The following SLC49A4 variants were observed in gnomAD, a reference collection of about 807,000 sequenced individuals.
SLC49A4 encodes solute carrier family 49 member 4, also known as disrupted in renal cancer protein 2.
A neutral mutation model predicts 50.6 loss-of-function variants in SLC49A4; 36 were observed. That is an observed-to-expected ratio of 0.71 (90% CI 0.55 to 0.94). The LOEUF (loss-of-function observed/expected upper bound fraction) is 0.94. Ranked by LOEUF, SLC49A4 falls within the 40% of genes least tolerant of loss-of-function variation. The pLI is 0.00. For synonymous variants in SLC49A4, 248 were observed against 241.2 expected (o/e 1.03, Z -0.26); for missense variants, 503 against 605.7 (o/e 0.83, Z 1.78).
In SLC49A4 at chr3:122,869,801, G is replaced by A. The variant is rs114895408; in HGVS notation, c.1139-2614G>A. 4.9e-3 allele frequency among the ~76,000 whole-genome samples: 753 copies of A among 152,266 alleles called. 7 individuals are homozygous for A. The highest frequency in any genetic ancestry group is 0.016 in the African/African-American group (678 of 41,548). ...AAATCCAAAGATTCTTAATAAGCAT[G>A]AAATGAGGGCCAAGGGAGTTGTATG... On this transcript the variant is annotated intron_variant, in intron 7 of 8. Transcript: ENST00000261038.
chr3:122,825,248 G>A (rs1377478139), intron 2 of SLC49A4, among the ~76,000 whole-genome samples: 2 of 152,146 alleles, frequency 1.3e-5, no homozygotes, highest in African/African-American at 2.4e-5. Context: ...GCCATCACAT[G>A]CAATGATTAA....
At chr3:122,822,821 G>A (rs1168252701) in intron 2 of SLC49A4, among the ~76,000 whole-genome samples, 3 of 152,026 alleles carry the variant, frequency 2.0e-5, no homozygotes, top group African/African-American at 7.3e-5. Flanking sequence ...ATATTTCTCA[G>A]CTCAGACTGC....
At chr3:122,878,301 A>G (rs1004245059) in intron 8 of SLC49A4, among the ~76,000 whole-genome samples, 2 of 152,226 alleles carry the variant, frequency 1.3e-5, no homozygotes, top group Admixed American at 1.3e-4. Context: ...CTGAATGGAT[A>G]TTAAACTAGA....
chr3:122,809,980 T>C (rs547990626), intron 2 of SLC49A4, among the ~76,000 whole-genome samples: 1 of 152,346 alleles, frequency 6.6e-6, no homozygotes, highest in African/African-American at 2.4e-5. Flanking sequence ...ACATGTATTT[T>C]CAACAAATCA....
At chr3:122,829,796 A>G (rs1936584973) in intron 3 of SLC49A4, among the ~76,000 whole-genome samples, 1 of 152,190 alleles carries the variant, frequency 6.6e-6, no homozygotes. Flanking sequence ...GGTTATGAAC[A>G]AGACAAGGAT....
chr3:122,807,726 C>G (rs1226916078), intron 2 of SLC49A4, among the ~76,000 whole-genome samples: 1 of 151,952 alleles, frequency 6.6e-6, no homozygotes, highest in Non-Finnish European at 1.5e-5. Flanking sequence ...CAGAAGGACC[C>G]ATAAATTACT....
intron 7 of SLC49A4, among the ~76,000 whole-genome samples, chr3:122,862,992 A>T (rs867264252): frequency 6.6e-6 from 1 of 152,212 alleles, no homozygotes; most frequent in South Asian, 2.1e-4. Flanking sequence ...TGGTATTGAA[A>T]ACAATTATGT....
intron 2 of SLC49A4, among the ~76,000 whole-genome samples, chr3:122,824,730 C>CTTTTTTTTTTTTTTTT (rs71621693): frequency 1.2e-5 from 1 of 82,918 alleles, no homozygotes; most frequent in African/African-American, 4.5e-5. Flanking sequence ...TTTTTTCCTT[C>CTTTTTTTTTTTTTTTT]TTTTTTTTTT....
At chr3:122,843,722 A>G (rs1383166238) in intron 4 of SLC49A4, among the ~76,000 whole-genome samples, 1 of 152,184 alleles carries the variant, frequency 6.6e-6, no homozygotes, top group Admixed American at 6.5e-5. Context: ...CTCATTGTAT[A>G]GTTTGACATG....
At chr3:122,862,759 A>G (rs1937072816) in intron 7 of SLC49A4, among the ~76,000 whole-genome samples, 1 of 152,212 alleles carries the variant, frequency 6.6e-6, no homozygotes, top group Admixed American at 6.5e-5. Context: ...ATAAGATAGT[A>G]CATTCCATTA....
At chr3:122,829,595 A>T (rs1936582442) in intron 3 of SLC49A4, among the ~76,000 whole-genome samples, 1 of 152,170 alleles carries the variant, frequency 6.6e-6, no homozygotes, top group African/African-American at 2.4e-5. Context: ...TCTACTAAAA[A>T]GAAAAATGGC....
chr3:122,831,203 T>A (rs1247963321), intron 3 of SLC49A4, among the ~76,000 whole-genome samples: 1 of 152,110 alleles, frequency 6.6e-6, no homozygotes, highest in Non-Finnish European at 1.5e-5. Flanking sequence ...TGTAGCCGCA[T>A]TGGAAACAGT....
In SLC49A4 at chr3:122,806,911, T is replaced by A. The variant is rs377428843; in HGVS notation, c.398T>A (p.Leu133Gln). 6.2e-7 allele frequency: 1 copy of A among 1,609,014 alleles called. No homozygotes were observed. The highest frequency in any genetic ancestry group is 8.5e-7 in the Non-Finnish European group (1 of 1,175,698). Residue 133 changes from leucine (L) to glutamine (Q), a missense_variant, in exon 2 of 9, where the codon CTA (leucine) becomes CAA (glutamine). By Grantham distance (113) the Leu-to-Gln change is moderately radical. Coordinates refer to ENST00000261038, the MANE Select transcript of SLC49A4 (RefSeq NM_032839.3). ...TSFLMVLGTGLRCIPISDLIL... is the reference protein window; with the variant it reads ...TSFLMVLGTGQRCIPISDLIL... The stretch of plus-strand genomic sequence containing the variant: ...TTCCTTATGGTTTTGGGAACTGGTC[T>A]AAGATGCATACCTATATCAGACTTA...
intron 1 of SLC49A4, among the ~76,000 whole-genome samples, chr3:122,796,138 A>G (rs1576287162): frequency 6.6e-6 from 1 of 152,204 alleles, no homozygotes; most frequent in Non-Finnish European, 1.5e-5. Flanking sequence ...ATGAGTGAAG[A>G]TGCTTGCTTA....
intron 5 of SLC49A4, among the ~76,000 whole-genome samples, chr3:122,846,859 G>A (rs528405948): frequency 6.6e-6 from 1 of 152,086 alleles, no homozygotes; most frequent in South Asian, 2.1e-4. Flanking sequence ...TTTTCTTACC[G>A]ATACGTAAAG....
intron 1 of SLC49A4, among the ~76,000 whole-genome samples, chr3:122,798,956 C>T (rs990021261): frequency 6.6e-6 from 1 of 152,048 alleles, no homozygotes; most frequent in Non-Finnish European, 1.5e-5. Context: ...GCCTGATTAG[C>T]CTAGGAGACT....
intron 2 of SLC49A4, among the ~76,000 whole-genome samples, chr3:122,812,736 A>G (rs1936315979): frequency 6.6e-6 from 1 of 152,246 alleles, no homozygotes; most frequent in South Asian, 2.1e-4. Flanking sequence ...TCCATCCTAC[A>G]GTATAATCAC....
intron 4 of SLC49A4, among the ~76,000 whole-genome samples, chr3:122,838,412 T>C (rs1936721181): frequency 6.6e-6 from 1 of 152,022 alleles, no homozygotes; most frequent in Non-Finnish European, 1.5e-5. Flanking sequence ...TGTAGGGACA[T>C]GGATGAAGCT....
intron 4 of SLC49A4, among the ~76,000 whole-genome samples, chr3:122,839,758 G>A (rs1019196742): frequency 2.6e-5 from 4 of 152,120 alleles, no homozygotes; most frequent in Non-Finnish European, 4.4e-5. Flanking sequence ...ACATGGATGT[G>A]GTGAAAAGGG....
Sources: allele counts gnomAD v4.1 joint callset (sites outside exome capture counted in the v4.1 genomes callset), GRCh38; gene constraint gnomAD v4.1.1; transcripts MANE v1.5; gene names NCBI Gene and HGNC (gene_info 2026-07-23, HGNC 2026-07-21).